FANCD2: variants seen among roughly 807,000 people sequenced by gnomAD.
FANCD2 encodes Fanconi anemia group D2 protein.
FANCD2 carries 131 observed loss-of-function variants against 192.3 expected under a neutral mutation model. The ratio of observed to expected loss-of-function variants is 0.68; its 90% CI spans 0.59 to 0.79. FANCD2 has a LOEUF of 0.79. Ranked by LOEUF, FANCD2 falls within the 30% of genes least tolerant of loss-of-function variation. FANCD2 has a pLI of 0.00. For missense variants in FANCD2, 1,508 were observed against 1,701.6 expected (o/e 0.89, Z 2.00); for synonymous variants, 524 against 612.5 (o/e 0.86, Z 2.13).
intron 28 of FANCD2, 50 bp downstream of exon 28, chr3:10,073,412 T>G (rs747141763): frequency 8.4e-6 from 11 of 1,316,286 alleles, no homozygotes; most frequent in Admixed American, 1.7e-5. Flanking sequence ...CCAGTGAGAT[T>G]AACAGAAACC....
At chr3:10,041,297 A>G (rs1559374090) in intron 9 of FANCD2, 3 of 309,364 alleles carry the variant, frequency 9.7e-6, no homozygotes, top group South Asian at 3.0e-5. Flanking sequence ...CATACTTATC[A>G]GATTTCATTG....
intron 26 of FANCD2, among the ~76,000 whole-genome samples, chr3:10,070,264 G>C (rs1303650729): frequency 4.0e-5 from 6 of 148,336 alleles, no homozygotes; most frequent in African/African-American, 1.3e-4. Context: ...CCCTCCGCCC[G>C]GCAGCCACCC....
chr3:10,034,147 C>G (rs920902430), intron 3 of FANCD2, among the ~76,000 whole-genome samples: 1 of 149,956 alleles, frequency 6.7e-6, no homozygotes, highest in Non-Finnish European at 1.5e-5. Flanking sequence ...CACAGTGAAA[C>G]CCTGTCTCTA....
At chr3:10,041,350 A>G in intron 9 of FANCD2, 2 of 377,312 alleles carry the variant, frequency 5.3e-6, no homozygotes, top group Admixed American at 4.2e-5. Context: ...GGGGAAGGAT[A>G]CATACCAAAC....
intron 20 of FANCD2, among the ~76,000 whole-genome samples, chr3:10,062,736 G>A (rs1047821280): frequency 2.0e-4 from 31 of 151,820 alleles, no homozygotes; most frequent in Admixed American, 8.5e-4. Context: ...TTTAGATGGA[G>A]TCTCAACTCT....
At chr3:10,080,705 A>C (rs2125058621) in intron 30 of FANCD2, among the ~76,000 whole-genome samples, 1 of 152,306 alleles carries the variant, frequency 6.6e-6, no homozygotes, top group African/African-American at 2.4e-5. Flanking sequence ...CAGGAATTCA[A>C]GGCTGCAGTG....
Position 10,065,994 on chromosome 3 carries a change from T to C in FANCD2, c.2385+15T>C, listed in dbSNP as rs1439068310. 4 of 1,460,590 alleles carry C rather than the reference T, an allele frequency of 2.7e-6. No individual in the cohort carries two copies. In the African/African-American group the frequency reaches 4.2e-5, roughly 15 times the overall value. 90.5% of individuals were successfully genotyped at this position (1,460,590 alleles called of 1,614,324 possible). A position where few individuals can be genotyped will look rare whatever the true frequency, so the allele number is the denominator to read the frequency against. ...GGTTCCGAGAGGTGAGCAGAGTTAA[T>C]AGGATGTTTCACTTATTGTGCATAG... On this transcript the variant is annotated intron_variant, in intron 25 of 43. Coordinates refer to ENST00000675286, the MANE Select transcript of FANCD2 (RefSeq NM_001018115.3).
chr3:10,101,168 A>C lies in FANCD2; in HGVS notation c.4282-20A>C. On this transcript the variant is annotated intron_variant, in intron 43 of 43. Coordinates refer to ENST00000675286, the MANE Select transcript of FANCD2 (RefSeq NM_001018115.3). ...GAGCAGTAACCTAAAATGCTTATTT[A>C]TTTATTCTTTGCCCCTTAGGATGGT... 2 of 1,595,578 alleles carry C rather than the reference A, an allele frequency of 1.3e-6. No homozygotes were observed. Among genetic ancestry groups the C allele is most frequent in the Non-Finnish European group, 1.7e-6 (2 of 1,163,194 alleles).
chr3:10,035,362 C>T (rs2086702524), intron 6 of FANCD2, 129 bp downstream of exon 6: 6 of 792,024 alleles, frequency 7.6e-6, no homozygotes, highest in Admixed American at 1.9e-5. Context: ...AGCTTTAGCA[C>T]AGCCCTGTTG....
chr3:10,071,125 T>TAAAAAAA (rs35134252), intron 26 of FANCD2, among the ~76,000 whole-genome samples: 1 of 77,930 alleles, frequency 1.3e-5, no homozygotes, highest in Non-Finnish European at 3.0e-5. Flanking sequence ...GAATGATCGA[T>TAAAAAAA]AAAAAAAAAA....
intron 18 of FANCD2, among the ~76,000 whole-genome samples, chr3:10,054,387 AT>A (rs1233449947): frequency 9.6e-5 from 11 of 114,786 alleles, no homozygotes; most frequent in Non-Finnish European, 1.4e-4. Context: ...ACATATATAT[AT>A]GTATATACGT....
At chr3:10,076,015 G>T (rs1397926862) in intron 29 of FANCD2, among the ~76,000 whole-genome samples, 1 of 150,960 alleles carries the variant, frequency 6.6e-6, no homozygotes, top group Non-Finnish European at 1.5e-5. Context: ...ACAGGTGTGA[G>T]CCACTGCGCC....
intron 32 of FANCD2, among the ~76,000 whole-genome samples, chr3:10,082,769 A>T (rs1370525259): frequency 6.6e-6 from 1 of 152,066 alleles, no homozygotes; most frequent in Non-Finnish European, 1.5e-5. Flanking sequence ...TCGTGATAAA[A>T]CTTAATCTCA....
chr3:10,027,405 C>T (rs759656108), intron 1 of FANCD2, among the ~76,000 whole-genome samples: 1 of 152,178 alleles, frequency 6.6e-6, no homozygotes, highest in Non-Finnish European at 1.5e-5. Context: ...AAAAGAACAC[C>T]TTTGTGCAAA....
Position 10,064,396 on chromosome 3 carries a change from C to T in FANCD2, c.1988C>T (p.Ala663Val), listed in dbSNP as rs762610301. ...ACCATCTGTAATGATTTCCAGGATG[C>T]CTTCGTAGTGGACTCCTGTGTTGTT... ...GHTICNDFQD[A>V]FVVDSCVVPE... is the part of the protein sequence containing the mutation. The change falls in exon 22 of 44, where the codon GCC (alanine) becomes GTC (valine). Residue 663 changes from alanine to valine, a missense_variant. Around this residue, in one of 5 missense-constraint regions of FANCD2, gnomAD observed 59 missense variants for 111.9 expected, o/e 0.53. Transcript: ENST00000675286. 1 of 1,613,718 alleles carries T rather than the reference C, an allele frequency of 6.2e-7. No individual in the cohort carries two copies.
At chr3:10,098,650 C>T (rs1255910531) in intron 42 of FANCD2, 70 bp from the exon 43 acceptor site, 2 of 1,574,256 alleles carry the variant, frequency 1.3e-6, no homozygotes, top group African/African-American at 2.7e-5. Context: ...CCTGTAAACT[C>T]AACCTTCTCC....
At chr3:10,034,624 C>T in intron 4 of FANCD2, 71 bp from the exon 5 acceptor site, 1 of 1,494,818 alleles carries the variant, frequency 6.7e-7, no homozygotes, top group Non-Finnish European at 9.3e-7. Context: ...GTTGAGTGGG[C>T]TAGAATGATT....
chr3:10,083,180 T>C (rs977964126), intron 32 of FANCD2, among the ~76,000 whole-genome samples: 3 of 151,748 alleles, frequency 2.0e-5, no homozygotes, highest in African/African-American at 4.8e-5. Flanking sequence ...TGAGCCAAGA[T>C]TGCAACACTG....
At chr3:10,087,286 T>C (rs2125073261) in intron 34 of FANCD2, 22 bp downstream of exon 34, 1 of 1,561,944 alleles carries the variant, frequency 6.4e-7, no homozygotes. Context: ...AGATCCTTTT[T>C]TTTTTTTTTT....
Sources: allele counts gnomAD v4.1 joint callset (sites outside exome capture counted in the v4.1 genomes callset), GRCh38; gene constraint gnomAD v4.1.1; regional missense constraint gnomAD v4.1.1; transcripts MANE v1.5; gene names NCBI Gene and HGNC (gene_info 2026-07-23, HGNC 2026-07-21).